Variants in UBAP2L observed in about 807,000 individuals in gnomAD.
The protein encoded by UBAP2L is ubiquitin-associated protein 2-like.
Under a neutral mutation model 130.6 loss-of-function variants are expected in UBAP2L, and 12 were observed. The ratio of observed to expected loss-of-function variants is 0.09; its 90% CI spans 0.06 to 0.15. The LOEUF is 0.15. UBAP2L is among the 10% of genes least tolerant of loss of function. The probability of loss-of-function intolerance (pLI) is 1.00; values close to 1 mark genes in which losing one functional copy is unlikely to be tolerated. For missense variants in UBAP2L, 965 were observed against 1,332.5 expected (o/e 0.72, Z 4.29); for synonymous variants, 503 against 524.7 (o/e 0.96, Z 0.57).
chr1:154,265,356 A>G (rs529060760), intron 24 of UBAP2L, among the ~76,000 whole-genome samples: 1 of 152,364 alleles, frequency 6.6e-6, no homozygotes, highest in South Asian at 2.1e-4. Flanking sequence ...AGTGTTCCTG[A>G]TAGCAGAGGA....
At chr1:154,263,335 C>A in intron 24 of UBAP2L, 4 of 1,423,684 alleles carry the variant, frequency 2.8e-6, no homozygotes, top group Non-Finnish European at 3.7e-6. Flanking sequence ...ATTTCCCTCT[C>A]CCCCATGTGT....
intron 25 of UBAP2L, among the ~76,000 whole-genome samples, 154 bp downstream of exon 25, chr1:154,266,722 C>T (rs374039466): frequency 6.6e-6 from 1 of 152,112 alleles, no homozygotes; most frequent in South Asian, 2.1e-4. Flanking sequence ...CTCTAGACTT[C>T]ACTTCCTCTA....
chr1:154,229,517 C>T (rs937576335), intron 4 of UBAP2L, among the ~76,000 whole-genome samples: 2 of 151,930 alleles, frequency 1.3e-5, no homozygotes, highest in Non-Finnish European at 1.5e-5. Context: ...CTCTGTGGCC[C>T]TGGCTGGAGT....
rs1419659815 is a variant in UBAP2L at position 154,235,090 on chromosome 1, T to C, written c.449-106T>C. ...GTTTTTTTAATTCCCAATACCATATTACATACCATTTATATATTTGTATAT... is the reference window on the plus strand; with the variant it reads ...GTTTTTTTAATTCCCAATACCATATCACATACCATTTATATATTTGTATAT... On this transcript the variant is annotated intron_variant, in intron 5 of 26. Coordinates refer to ENST00000428931, the MANE Select transcript of UBAP2L (RefSeq NM_014847.4). 4 of 678,420 alleles carry C rather than the reference T, an allele frequency of 5.9e-6. No individual in the cohort carries two copies. In the East Asian group the frequency reaches 1.1e-4, roughly 18 times the overall value. The allele number at this position is 678,420 out of a possible 1,614,324, so 42.0% of individuals were successfully genotyped here. A position where few individuals can be genotyped will look rare whatever the true frequency, so the allele number is the denominator to read the frequency against.
At chr1:154,253,775 G>C in intron 14 of UBAP2L, 125 bp from the exon 15 acceptor site, 2 of 958,456 alleles carry the variant, frequency 2.1e-6, no homozygotes, top group Non-Finnish European at 3.0e-6. Context: ...TCTTCTATTT[G>C]TTGCTGAAAA....
At chr1:154,246,619 G>C (rs1220742117) in intron 11 of UBAP2L, among the ~76,000 whole-genome samples, 1 of 152,180 alleles carries the variant, frequency 6.6e-6, no homozygotes, top group Non-Finnish European at 1.5e-5. Context: ...ACTACTCATT[G>C]TGCTGAATGA....
intron 3 of UBAP2L, 124 bp from the exon 4 acceptor site, chr1:154,228,491 T>C: frequency 1.5e-6 from 1 of 676,970 alleles, no homozygotes; most frequent in Non-Finnish European, 2.5e-6. Context: ...CCAGCCCTCA[T>C]CTTTTGCTTT....
intron 15 of UBAP2L, 88 bp from the exon 16 acceptor site, chr1:154,254,748 A>T: frequency 7.2e-7 from 1 of 1,387,428 alleles, no homozygotes; most frequent in South Asian, 1.2e-5. Context: ...AGATTTGTTG[A>T]CCAAAATAAA....
chr1:154,226,566 T>G (rs1159067099), intron 2 of UBAP2L, among the ~76,000 whole-genome samples: 1 of 151,942 alleles, frequency 6.6e-6, no homozygotes, highest in African/African-American at 2.4e-5. Context: ...GAACATACAC[T>G]GGATATATAG....
chr1:154,228,698 T>C lies in UBAP2L; in HGVS notation c.252T>C (p.Asn84=). 3 of 1,613,000 alleles carry C rather than the reference T, an allele frequency of 1.9e-6. No individual in the cohort carries two copies. Among genetic ancestry groups the C allele is most frequent in the South Asian group, 1.1e-5 (1 of 91,080 alleles). Residue 84 remains asparagine (N), a synonymous_variant, in exon 4 of 27, where the codon AAT becomes AAC. Transcript: ENST00000428931. The part of the protein sequence containing the change: ...DCNGDVNRAI[N]VLLEGNPDTH... ...ATGGAGATGTCAACAGAGCTATCAA[T>C]GTTCTTCTGGAAGGAAACCCAGACA...
chr1:154,235,444 C>T lies in UBAP2L; in HGVS notation c.544+153C>T, dbSNP rs1571688050. The T allele has an allele frequency of 5.3e-6, 3 of 565,366 alleles. No homozygotes were observed. The East Asian group carries it at 9.6e-5, about 18-fold the overall frequency. The allele number at this position is 565,366 out of a possible 1,614,324, so 35.0% of individuals were successfully genotyped here. A position where few individuals can be genotyped will look rare whatever the true frequency, so the allele number is the denominator to read the frequency against. ...CATAGCTCACTGCAGCCTCAGACTC[C>T]TGGGCTCAAGTGATCCTCCTGCCTC... On this transcript the variant is annotated intron_variant, in intron 6 of 26. Coordinates refer to ENST00000428931, the MANE Select transcript of UBAP2L (RefSeq NM_014847.4).
chr1:154,226,822 T>G (rs770490922), intron 2 of UBAP2L, among the ~76,000 whole-genome samples: 4 of 152,214 alleles, frequency 2.6e-5, no homozygotes, highest in Non-Finnish European at 5.9e-5. Context: ...ATTTTACTGA[T>G]TTAAGCATCT....
intron 4 of UBAP2L, among the ~76,000 whole-genome samples, chr1:154,229,648 G>C (rs1397760293): frequency 6.6e-6 from 1 of 151,900 alleles, no homozygotes; most frequent in Non-Finnish European, 1.5e-5. Flanking sequence ...ATTTTTAGTA[G>C]AGCCAGGGTT....
intron 24 of UBAP2L, 83 bp from the exon 25 acceptor site, chr1:154,266,418 G>A: frequency 7.0e-7 from 1 of 1,424,888 alleles, no homozygotes; most frequent in East Asian, 2.3e-5. Flanking sequence ...TAGCTAGAAA[G>A]GCTACAGATA....
intron 14 of UBAP2L, among the ~76,000 whole-genome samples, chr1:154,253,574 A>G (rs968640118): frequency 6.6e-6 from 1 of 151,176 alleles, no homozygotes. Flanking sequence ...AGTAGAGACC[A>G]TGTTAGCCAG....
At chr1:154,256,920 A>T in intron 18 of UBAP2L, 143 bp from the exon 19 acceptor site, 1 of 847,328 alleles carries the variant, frequency 1.2e-6, no homozygotes, top group Non-Finnish European at 1.8e-6. Flanking sequence ...AGCAGGGTGT[A>T]CTTTGGTACC....
intron 14 of UBAP2L, among the ~76,000 whole-genome samples, chr1:154,253,432 T>G (rs925801235): frequency 1.3e-5 from 2 of 149,972 alleles, no homozygotes; most frequent in Non-Finnish European, 2.9e-5. Flanking sequence ...TCACCCAGGC[T>G]GGAGTGCAGT....
chr1:154,270,065 T>G, intron 26 of UBAP2L, 135 bp from the exon 27 acceptor site: 1 of 1,157,548 alleles, frequency 8.6e-7, no homozygotes, highest in Non-Finnish European at 1.2e-6. Flanking sequence ...GCAGACCAAA[T>G]TTTCTATGGT....
chr1:154,231,294 TTTTTTTTTCTTTTTTC>T (rs1019666184), intron 4 of UBAP2L, among the ~76,000 whole-genome samples: 4 of 151,522 alleles, frequency 2.6e-5, no homozygotes, highest in Non-Finnish European at 5.9e-5. Context: ...TTGGCTTTTT[TTTTTTTTTCTTTTTTC>T]TTTTTTTTGA....
Sources: allele counts gnomAD v4.1 joint callset (sites outside exome capture counted in the v4.1 genomes callset), GRCh38; gene constraint gnomAD v4.1.1; transcripts MANE v1.5; gene names NCBI Gene and HGNC (gene_info 2026-07-23, HGNC 2026-07-21).